Variants in IGFBP7 observed in about 807,000 individuals in gnomAD.
IGFBP7 encodes the protein insulin-like growth factor-binding protein 7.
Under a neutral mutation model 29.4 loss-of-function variants are expected in IGFBP7, and 31 were observed. That is an observed-to-expected ratio of 1.05 (90% CI 0.79 to 1.42). IGFBP7 has a LOEUF of 1.42. Ranked by LOEUF, IGFBP7 falls within the 40% of genes most tolerant of loss-of-function variation. IGFBP7 has a pLI of 0.00. For missense variants in IGFBP7, 393 were observed against 395.5 expected, an observed-to-expected ratio of 0.99 and a Z score of 0.05; for synonymous variants, 172 against 174.9, an observed-to-expected ratio of 0.98 and a Z score of 0.13.
chr4:57,057,051 G>T (rs914555194), intron 1 of IGFBP7, among the ~76,000 whole-genome samples: 6 of 152,072 alleles, frequency 3.9e-5, no homozygotes, highest in South Asian at 2.1e-4. Flanking sequence ...TGTTATCCAG[G>T]ATGGAGTATA....
intron 1 of IGFBP7, among the ~76,000 whole-genome samples, chr4:57,073,811 G>A (rs1479447161): frequency 6.6e-6 from 1 of 152,094 alleles, no homozygotes; most frequent in African/African-American, 2.4e-5. Flanking sequence ...GCCCATTTGT[G>A]GTGAGCCTTC....
At chr4:57,101,811 C>A (rs1015205854) in intron 1 of IGFBP7, among the ~76,000 whole-genome samples, 8 of 150,976 alleles carry the variant, frequency 5.3e-5, no homozygotes, top group African/African-American at 2.0e-4. Context: ...GGGGAAGCTT[C>A]CCTTGAACAT....
At chr4:57,041,815 AGGT>A (rs1724232939) in intron 1 of IGFBP7, among the ~76,000 whole-genome samples, 1 of 152,186 alleles carries the variant, frequency 6.6e-6, no homozygotes, top group Non-Finnish European at 1.5e-5. Flanking sequence ...CTGGGATTAC[AGGT>A]GTGAGCCACC....
chr4:57,091,320 T>C lies in IGFBP7; in HGVS notation c.475+18557A>G, dbSNP rs530082044. Among the ~76,000 whole-genome samples the C allele has an allele frequency of 3.9e-5, 6 of 152,292 alleles. No individual in the cohort carries two copies. In the South Asian group the frequency reaches 1.0e-3, roughly 26 times the overall value. ...AACCATGAATGAATGAATGAGTGAGTGAAGCATATTTATGTTTAACTGCTT... is the reference window on the plus strand; with the variant it reads ...AACCATGAATGAATGAATGAGTGAGCGAAGCATATTTATGTTTAACTGCTT... On this transcript the variant is annotated intron_variant, in intron 1 of 4. Coordinates refer to ENST00000295666, the MANE Select transcript of IGFBP7 (RefSeq NM_001553.3).
chr4:57,089,906 C>T (rs961378025), intron 1 of IGFBP7, among the ~76,000 whole-genome samples: 1 of 152,182 alleles, frequency 6.6e-6, no homozygotes, highest in Non-Finnish European at 1.5e-5. Context: ...ATCTGAGGTG[C>T]AGAAGCCTTC....
intron 1 of IGFBP7, among the ~76,000 whole-genome samples, chr4:57,103,860 T>G (rs1725961084): frequency 6.6e-6 from 1 of 151,834 alleles, no homozygotes; most frequent in Admixed American, 6.6e-5. Flanking sequence ...GAGGTCTCAC[T>G]ATGTTGCCCA....
intron 1 of IGFBP7, among the ~76,000 whole-genome samples, chr4:57,066,157 T>C (rs1032892049): frequency 6.6e-6 from 1 of 152,252 alleles, no homozygotes; most frequent in Admixed American, 6.5e-5. Context: ...TGGTCTGTAC[T>C]TAGTGACTTA....
At chr4:57,108,549 C>CTTTCT (rs386400139) in intron 1 of IGFBP7, among the ~76,000 whole-genome samples, 117 of 149,212 alleles carry the variant, frequency 7.8e-4, no homozygotes, top group Middle Eastern at 6.9e-3. Context: ...TTCTTTCTTT[C>CTTTCT]TTTTTTTTTT....
Position 57,106,157 on chromosome 4 carries a change from C to T in IGFBP7, c.475+3720G>A, listed in dbSNP as rs550773172. On this transcript the variant is annotated intron_variant, in intron 1 of 4. Coordinates refer to ENST00000295666, the MANE Select transcript of IGFBP7 (RefSeq NM_001553.3). ...TCCTGATCTCGTGATCCGCCCGCCT[C>T]GGCCTCCCAAAGTGCTGGGATTACA... 1.1e-4 allele frequency among the ~76,000 whole-genome samples: 17 copies of T among 152,286 alleles called. 1 individual carries two copies. The South Asian group carries it at 1.2e-3, about 11-fold the overall frequency.
Position 57,085,499 on chromosome 4 carries a change from G to A in IGFBP7, c.475+24378C>T, listed in dbSNP as rs551185394. ...CAACTGAGATCTTCACCACATTTTCGAGTTATTCTAATTTTGGCTTGTTAC... is the reference window on the plus strand; with the variant it reads ...CAACTGAGATCTTCACCACATTTTCAAGTTATTCTAATTTTGGCTTGTTAC... On this transcript the variant is annotated intron_variant, in intron 1 of 4. Coordinates refer to ENST00000295666, the MANE Select transcript of IGFBP7 (RefSeq NM_001553.3). Among the ~76,000 whole-genome samples, 5 of 152,132 alleles carry A rather than the reference G, an allele frequency of 3.3e-5. 1 individual carries two copies. In the South Asian group the frequency reaches 6.2e-4, roughly 19 times the overall value.
At chr4:57,102,267 C>T (rs1429791000) in intron 1 of IGFBP7, among the ~76,000 whole-genome samples, 1 of 152,184 alleles carries the variant, frequency 6.6e-6, no homozygotes, top group Non-Finnish European at 1.5e-5. Context: ...GGCCAGTCTA[C>T]AGTGGACCCC....
intron 1 of IGFBP7, among the ~76,000 whole-genome samples, chr4:57,084,313 C>G (rs1310795127): frequency 1.3e-5 from 2 of 152,014 alleles, no homozygotes; most frequent in Non-Finnish European, 2.9e-5. Context: ...GCTGGATTAA[C>G]AGAATCAATT....
intron 2 of IGFBP7, among the ~76,000 whole-genome samples, chr4:57,033,908 G>T (rs1397418873): frequency 6.6e-6 from 1 of 152,042 alleles, no homozygotes; most frequent in African/African-American, 2.4e-5. Flanking sequence ...AAAATTAGCC[G>T]ATTGTGTTGG....
chr4:57,097,138 A>G (rs190679101), intron 1 of IGFBP7, among the ~76,000 whole-genome samples: 139 of 152,378 alleles, frequency 9.1e-4, no homozygotes, highest in South Asian at 2.1e-3. Flanking sequence ...TAGAATATCC[A>G]GGGAGGAGAG....
intron 1 of IGFBP7, among the ~76,000 whole-genome samples, chr4:57,100,812 C>G (rs555967712): frequency 1.3e-5 from 2 of 152,312 alleles, no homozygotes; most frequent in East Asian, 3.9e-4. Context: ...GGTCTACATA[C>G]CACACTTTGA....
intron 1 of IGFBP7, among the ~76,000 whole-genome samples, chr4:57,060,543 T>C (rs555099062): frequency 9.0e-4 from 137 of 152,338 alleles, no homozygotes; most frequent in Non-Finnish European, 1.6e-3. Flanking sequence ...CGAGCTTTCT[T>C]ACTCAGGCAC....
chr4:57,070,037 T>C (rs547643161), intron 1 of IGFBP7, among the ~76,000 whole-genome samples: 53 of 151,330 alleles, frequency 3.5e-4, no homozygotes, highest in African/African-American at 1.3e-3. Flanking sequence ...GCCGGAATCG[T>C]GCCATTGCAC....
At chr4:57,036,720 C>A (rs959294321) in intron 2 of IGFBP7, among the ~76,000 whole-genome samples, 2 of 152,130 alleles carry the variant, frequency 1.3e-5, no homozygotes, top group Non-Finnish European at 2.9e-5. Context: ...GAATTGCCAC[C>A]GTAGTCTCAA....
chr4:57,072,173 A>G (rs972573218), intron 1 of IGFBP7, among the ~76,000 whole-genome samples: 1 of 151,796 alleles, frequency 6.6e-6, no homozygotes, highest in Non-Finnish European at 1.5e-5. Flanking sequence ...GGTAGACCCC[A>G]GTGTCTGTTA....
Sources: allele counts gnomAD v4.1 joint callset (sites outside exome capture counted in the v4.1 genomes callset), GRCh38; gene constraint gnomAD v4.1.1; transcripts MANE v1.5; gene names NCBI Gene and HGNC (gene_info 2026-07-23, HGNC 2026-07-21).